The following STYXL2 variants were observed in gnomAD, a reference collection of about 807,000 sequenced individuals.
STYXL2 encodes serine/threonine/tyrosine interacting like 2.
In STYXL2, 44 loss-of-function variants were observed where a neutral mutation model predicts 52.4. The ratio of observed to expected loss-of-function variants is 0.84; its 90% CI spans 0.66 to 1.08. The LOEUF is 1.08. Ranked by LOEUF, STYXL2 falls within the 50% of genes least tolerant of loss-of-function variation. The pLI is 0.00. For synonymous variants in STYXL2, 604 were observed against 586.9 expected (o/e 1.03, Z -0.42); for missense variants, 1,604 against 1,471.7 (o/e 1.09, Z -1.47).
At position 167,104,490 on chromosome 1, in the gene STYXL2, T is replaced by C. The variant is rs1466545553; in HGVS notation, c.111-9220T>C. On this transcript the variant is annotated intron_variant, in intron 2 of 5. Transcript: ENST00000361200. ...TCCTGTGGCGAGCAAGCATCTGTGG[T>C]GGGTGTGGTAGGAGACAGGGGCATG... is the stretch of plus-strand genomic sequence containing the variant. 2.6e-5 allele frequency among the ~76,000 whole-genome samples: 4 copies of C among 152,226 alleles called. No homozygotes were observed. The South Asian group carries it at 6.2e-4, about 24-fold the overall frequency.
chr1:167,100,190 C>T (rs1464734157), intron 2 of STYXL2, among the ~76,000 whole-genome samples: 3 of 152,194 alleles, frequency 2.0e-5, no homozygotes, highest in East Asian at 1.9e-4. Flanking sequence ...TTTATAACAA[C>T]CCCCTCTCAT....
intron 2 of STYXL2, among the ~76,000 whole-genome samples, chr1:167,098,524 A>C (rs1667339059): frequency 6.6e-6 from 1 of 152,212 alleles, no homozygotes; most frequent in African/African-American, 2.4e-5. Flanking sequence ...TAAAAAATTT[A>C]TACTACACTG....
intron 5 of STYXL2, 108 bp downstream of exon 5, chr1:167,119,574 TA>T (rs2102241530): frequency 3.4e-6 from 3 of 886,684 alleles, no homozygotes; most frequent in Non-Finnish European, 5.2e-6. Context: ...GTATCTGTCT[TA>T]AGAAGGCTGT....
intron 2 of STYXL2, among the ~76,000 whole-genome samples, chr1:167,097,688 G>GT (rs1453354169): frequency 2.8e-5 from 4 of 143,926 alleles, no homozygotes; most frequent in Admixed American, 2.8e-4. Flanking sequence ...GAAACTATAG[G>GT]TTAAAAAAAA....
intron 5 of STYXL2, among the ~76,000 whole-genome samples, chr1:167,125,541 G>A (rs1214942626): frequency 2.0e-5 from 3 of 152,182 alleles, no homozygotes; most frequent in African/African-American, 7.2e-5. Flanking sequence ...TTTGTGAGGA[G>A]AAAGTAGAAA....
At chr1:167,112,013 G>A (rs1035158256) in intron 2 of STYXL2, among the ~76,000 whole-genome samples, 1 of 152,128 alleles carries the variant, frequency 6.6e-6, no homozygotes, top group African/African-American at 2.4e-5. Flanking sequence ...AAATAACCTT[G>A]CCAGGAGAAA....
chr1:167,117,473 C>T lies in STYXL2; in HGVS notation c.351C>T (p.Asp117=), dbSNP rs146625016. 2.7e-4 allele frequency: 433 copies of T among 1,612,540 alleles called. No homozygotes were observed. Among genetic ancestry groups the T allele is most frequent in the Admixed American group, 4.8e-4 (29 of 59,874 alleles). The change falls in exon 4 of 6, where the codon GAC becomes GAT. Residue 117 remains aspartate, a synonymous_variant. Coordinates refer to ENST00000361200, the MANE Select transcript of STYXL2 (RefSeq NM_001080426.3). ...TCTATAATACGCCCTGTGTCCTGGA[C>T]CTACAGCGGGCCCTGGTTCAGGATC... ...TSLYNTPCVL[D]LQRALVQDRQ...
chr1:167,125,821 C>T lies in STYXL2; in HGVS notation c.690C>T (p.Ser230=), dbSNP rs750611235. Residue 230 remains serine, a synonymous_variant, in exon 6 of 6, where the codon AGC becomes AGT. Transcript: ENST00000361200. ...TGGTCAGCAGCGAAATGGGCATCAG[C>T]CGGTCAGCAGTGCTGGTGGTCGCCT... The part of the protein sequence containing the change: ...KVLVSSEMGI[S]RSAVLVVAYL... 25 of 1,607,866 alleles carry T rather than the reference C, an allele frequency of 1.6e-5. No homozygotes were observed. In the South Asian group the frequency reaches 2.7e-4, roughly 17 times the overall value.
At chr1:167,117,176 C>T in intron 3 of STYXL2, 152 bp from the exon 4 acceptor site, 1 of 673,448 alleles carries the variant, frequency 1.5e-6, no homozygotes, top group Non-Finnish European at 2.5e-6. Flanking sequence ...GTACCCTGGG[C>T]CCAATTAAAG....
At chr1:167,120,881 T>C (rs377130415) in intron 5 of STYXL2, among the ~76,000 whole-genome samples, 21,540 of 109,286 alleles carry the variant, frequency 0.2, 2,941 homozygotes, top group Middle Eastern at 0.24. Flanking sequence ...TATATATATA[T>C]ATATACAGAG....
intron 5 of STYXL2, among the ~76,000 whole-genome samples, chr1:167,123,560 G>A (rs1177892590): frequency 6.6e-6 from 1 of 152,370 alleles, no homozygotes; most frequent in African/African-American, 2.4e-5. Flanking sequence ...AGCCCTGACT[G>A]AGGACGAGAG....
At chr1:167,106,022 C>A (rs1318938569) in intron 2 of STYXL2, among the ~76,000 whole-genome samples, 1 of 152,204 alleles carries the variant, frequency 6.6e-6, no homozygotes, top group Non-Finnish European at 1.5e-5. Context: ...TCTTTACCAC[C>A]CATTAGAAGG....
In STYXL2 at chr1:167,128,641, C is replaced by G; in HGVS notation, c.*33C>G. 1.3e-6 allele frequency: 2 copies of G among 1,585,474 alleles called. No homozygotes were observed. Among genetic ancestry groups the G allele is most frequent in the Admixed American group, 1.7e-5 (1 of 57,324 alleles). ...AAAATCTGAGAACACTGAAAGAAAC[C>G]ACTCACGTTAGCATAGGGCTCAGGG... On this transcript the variant is annotated 3_prime_UTR_variant, in exon 6 of 6. Coordinates refer to ENST00000361200, the MANE Select transcript of STYXL2 (RefSeq NM_001080426.3).
At chr1:167,097,505 T>G (rs10127745) in intron 2 of STYXL2, among the ~76,000 whole-genome samples, 55,966 of 151,942 alleles carry the variant, frequency 0.37, 10,846 homozygotes, top group African/African-American at 0.48. Context: ...AATTTGGGTG[T>G]GGAGTCCAAG....
intron 2 of STYXL2, among the ~76,000 whole-genome samples, chr1:167,111,555 ATACT>A (rs1667623966): frequency 6.8e-6 from 1 of 147,954 alleles, no homozygotes; most frequent in African/African-American, 2.5e-5. Context: ...CTATGGAATA[ATACT>A]TAGCCATAAA....
chr1:167,097,673 C>T (rs1667316998), intron 2 of STYXL2, among the ~76,000 whole-genome samples: 1 of 149,054 alleles, frequency 6.7e-6, no homozygotes, highest in Admixed American at 6.7e-5. Context: ...CAACTGTCTC[C>T]ACAAGAAACT....
chr1:167,113,937 G>C lies in STYXL2; in HGVS notation c.205+133G>C, dbSNP rs1571340132. 3 of 730,436 alleles carry C rather than the reference G, an allele frequency of 4.1e-6. No individual in the cohort carries two copies. In the East Asian group the frequency reaches 7.5e-5, roughly 18 times the overall value. 45.2% of individuals were successfully genotyped at this position (730,436 alleles called of 1,614,324 possible). A position where few individuals can be genotyped will look rare whatever the true frequency, so the allele number is the denominator to read the frequency against. On this transcript the variant is annotated intron_variant, in intron 3 of 5. Coordinates refer to ENST00000361200, the MANE Select transcript of STYXL2 (RefSeq NM_001080426.3). ...CGTTAGGAAGAGCAGATCTGCAGAA[G>C]GCAGTTCTGCCAACCCTACCTCCTC...
At chr1:167,106,496 C>A (rs370304197) in intron 2 of STYXL2, among the ~76,000 whole-genome samples, 2 of 152,070 alleles carry the variant, frequency 1.3e-5, no homozygotes, top group East Asian at 3.8e-4. Flanking sequence ...TTGCCCCAAA[C>A]CTCATTTTAC....
chr1:167,098,371 G>A (rs892720076), intron 2 of STYXL2, among the ~76,000 whole-genome samples: 7 of 151,978 alleles, frequency 4.6e-5, no homozygotes, highest in African/African-American at 1.7e-4. Flanking sequence ...AGCTACTCAG[G>A]AAGCTGAGGC....
Sources: allele counts gnomAD v4.1 joint callset (sites outside exome capture counted in the v4.1 genomes callset), GRCh38; gene constraint gnomAD v4.1.1; transcripts MANE v1.5; gene names NCBI Gene and HGNC (gene_info 2026-07-23, HGNC 2026-07-21).